The following DCN variants were observed in gnomAD, a reference collection of about 807,000 sequenced individuals.
DCN encodes the protein bone proteoglycan II.
DCN carries 17 observed loss-of-function variants against 36.5 expected under a neutral mutation model. That is an observed-to-expected ratio of 0.47 (90% CI 0.32 to 0.70). The LOEUF (loss-of-function observed/expected upper bound fraction) is 0.70, where lower values mean the gene tolerates loss of function less well. Ranked by LOEUF, DCN falls within the 30% of genes least tolerant of loss-of-function variation. DCN has a pLI of 0.04. For missense variants in DCN, 389 were observed against 430.1 expected, an observed-to-expected ratio of 0.90 and a Z score of 0.84; for synonymous variants, 163 against 161.4, an observed-to-expected ratio of 1.01 and a Z score of -0.07.
At chr12:91,153,309 C>A in intron 5 of DCN, 120 bp from the exon 6 acceptor site, 1 of 709,028 alleles carries the variant, frequency 1.4e-6, no homozygotes, top group Non-Finnish European at 2.6e-6. Flanking sequence ...TTCAAAGAAT[C>A]AGCTTTACTT....
At chr12:91,182,468 C>T (rs909728876) in intron 1 of DCN, 187 bp downstream of exon 1, 15 of 152,098 alleles carry the variant, frequency 9.9e-5, no homozygotes, top group Non-Finnish European at 2.1e-4. Flanking sequence ...TGCATTCAAT[C>T]ATTTTATCAA....
intron 6 of DCN, 63 bp downstream of exon 6, chr12:91,153,033 T>C (rs1881534317): frequency 1.2e-6 from 1 of 865,596 alleles, no homozygotes; most frequent in Non-Finnish European, 2.0e-6. Flanking sequence ...ATAATTCTTA[T>C]CATATAAGCA....
intron 2 of DCN, among the ~76,000 whole-genome samples, chr12:91,166,851 A>G (rs1214992517): frequency 6.6e-6 from 1 of 152,180 alleles, no homozygotes; most frequent in East Asian, 1.9e-4. Flanking sequence ...AATGATTAAA[A>G]TTATAGTTCT....
chr12:91,144,658 A>G lies in DCN; in HGVS notation c.*1400T>C, dbSNP rs1044813477. On this transcript the variant is annotated 3_prime_UTR_variant, in exon 8 of 8. Transcript: ENST00000052754. The stretch of plus-strand genomic sequence containing the variant: ...GTTTGATTAAGCCTCCTTTATGCCA[A>G]CCTGTCAGAGGTGTGTCCCAGCATA... 1 of 152,190 alleles carries G rather than the reference A, an allele frequency of 6.6e-6. No individual in the cohort carries two copies. The highest frequency in any genetic ancestry group is 1.5e-5 in the Non-Finnish European group (1 of 68,024). 9.4% of individuals were successfully genotyped at this position (152,190 alleles called of 1,614,324 possible). A position where few individuals can be genotyped will look rare whatever the true frequency, so the allele number is the denominator to read the frequency against.
intron 2 of DCN, chr12:91,172,590 A>G: frequency 2.1e-6 from 1 of 473,970 alleles, no homozygotes; most frequent in South Asian, 2.7e-5. Flanking sequence ...AGGAATTTCT[A>G]AGCTTCCTGG....
intron 5 of DCN, among the ~76,000 whole-genome samples, chr12:91,155,669 ATATC>A (rs1881723762): frequency 6.6e-6 from 1 of 151,812 alleles, no homozygotes; most frequent in Non-Finnish European, 1.5e-5. Context: ...TCCCCAATTT[ATATC>A]TATCTGAGAT....
chr12:91,153,759 T>C (rs556779145), intron 5 of DCN, among the ~76,000 whole-genome samples: 1 of 152,160 alleles, frequency 6.6e-6, no homozygotes, highest in East Asian at 1.9e-4. Flanking sequence ...CTTATGCCTA[T>C]TAAATCCAGA....
intron 2 of DCN, among the ~76,000 whole-genome samples, chr12:91,171,757 C>T (rs565798612): frequency 9.2e-5 from 14 of 152,276 alleles, no homozygotes; most frequent in Non-Finnish European, 1.3e-4. Context: ...TTATAAATCC[C>T]GGGTAACATT....
At position 91,145,551 on chromosome 12, in the gene DCN, A is replaced by G. The variant is rs1880954757; in HGVS notation, c.*507T>C. 1 of 165,862 alleles carries G rather than the reference A, an allele frequency of 6.0e-6. No homozygotes were observed. Among genetic ancestry groups the G allele is most frequent in the Admixed American group, 6.0e-5 (1 of 16,744 alleles). The allele number at this position is 165,862 out of a possible 1,614,324, so 10.3% of individuals were successfully genotyped here. A position where few individuals can be genotyped will look rare whatever the true frequency, so the allele number is the denominator to read the frequency against. On this transcript the variant is annotated 3_prime_UTR_variant, in exon 8 of 8. Transcript: ENST00000052754. ...TAATTTTGAATGTATTTTTAAATTT[A>G]TTTTTTCAAAATAATGACATTAGTA...
intron 7 of DCN, among the ~76,000 whole-genome samples, chr12:91,147,272 C>A (rs941524200): frequency 4.6e-5 from 7 of 152,178 alleles, no homozygotes; most frequent in African/African-American, 1.7e-4. Flanking sequence ...GTTTACTCAA[C>A]CTGGAATAAT....
Position 91,167,397 on chromosome 12 carries a change from A to AT in DCN, c.212-2681dup, listed in dbSNP as rs1402299063. 2.7e-5 allele frequency among the ~76,000 whole-genome samples: 4 copies of AT among 149,916 alleles called. No homozygotes were observed. In the East Asian group the frequency reaches 5.9e-4, roughly 22 times the overall value. On this transcript the variant is annotated intron_variant, in intron 2 of 7. Coordinates refer to ENST00000052754, the MANE Select transcript of DCN (RefSeq NM_001920.5). Reference sequence around the variant, plus strand: ...GAGGTTTTTAGCAATCCATATCAAAATAAAAAAAAAACAATAAAAGCAGTG... The same window carrying AT: ...GAGGTTTTTAGCAATCCATATCAAAATTAAAAAAAAAACAATAAAAGCAGTG...
intron 1 of DCN, 122 bp downstream of exon 1, chr12:91,182,533 T>C (rs1251774356): frequency 6.6e-6 from 1 of 151,736 alleles, no homozygotes; most frequent in East Asian, 1.9e-4. Flanking sequence ...ATAAAAACTA[T>C]AAAAGTTTAA....
At chr12:91,174,204 G>T (rs557334178) in intron 2 of DCN, among the ~76,000 whole-genome samples, 6 of 152,090 alleles carry the variant, frequency 3.9e-5, no homozygotes, top group Non-Finnish European at 8.8e-5. Context: ...CAATTGCCTA[G>T]TAAATGCACA....
At chr12:91,149,134 C>T (rs949904021) in intron 7 of DCN, among the ~76,000 whole-genome samples, 1 of 150,040 alleles carries the variant, frequency 6.7e-6, no homozygotes, top group Non-Finnish European at 1.5e-5. Context: ...AGACAAAATT[C>T]ATCATAAGAA....
At chr12:91,162,554 A>G (rs1882229606) in intron 3 of DCN, among the ~76,000 whole-genome samples, 1 of 152,138 alleles carries the variant, frequency 6.6e-6, no homozygotes, top group South Asian at 2.1e-4. Context: ...ATTATTTTCT[A>G]TAATGACTAG....
Position 91,152,950 on chromosome 12 carries a change from T to C in DCN, c.746+146A>G, listed in dbSNP as rs116815395. 1.2e-3 allele frequency: 776 copies of C among 632,390 alleles called. 7 individuals are homozygous for C. In the African/African-American group the frequency reaches 0.013, roughly 11 times the overall value. 39.2% of individuals were successfully genotyped at this position (632,390 alleles called of 1,614,324 possible). A position where few individuals can be genotyped will look rare whatever the true frequency, so the allele number is the denominator to read the frequency against. ...CTTCTTCTCAAGAAATAATTGGATA[T>C]GCTGAAGTTTGAGATTATAGAAACA... On this transcript the variant is annotated intron_variant, in intron 6 of 7. Coordinates refer to ENST00000052754, the MANE Select transcript of DCN (RefSeq NM_001920.5).
At chr12:91,149,824 A>G (rs1271332924) in intron 7 of DCN, among the ~76,000 whole-genome samples, 4 of 152,226 alleles carry the variant, frequency 2.6e-5, no homozygotes, top group Admixed American at 2.6e-4. Context: ...TTAACAATTC[A>G]AAACAGCATC....
At position 91,140,602 on chromosome 12, in the gene DCN, CA is replaced by C. The variant is rs1565766287; in HGVS notation, c.*5455del. The C allele has an allele frequency of 6.6e-6, 1 of 152,130 alleles. No homozygotes were observed. The highest frequency in any genetic ancestry group is 1.5e-5 in the Non-Finnish European group (1 of 68,014). The allele number at this position is 152,130 out of a possible 1,614,324, so 9.4% of individuals were successfully genotyped here. A position where few individuals can be genotyped will look rare whatever the true frequency, so the allele number is the denominator to read the frequency against. On this transcript the variant is annotated 3_prime_UTR_variant, in exon 8 of 8. Transcript: ENST00000052754. Reference sequence around the variant, plus strand: ...GTACAGTATGATTGCTTAGTTTGGACAAAGTCAAGTCATTTCTGTGCTGATA... The same window carrying C: ...GTACAGTATGATTGCTTAGTTTGGACAAGTCAAGTCATTTCTGTGCTGATA...
chr12:91,178,143 A>G (rs1883407047), intron 2 of DCN, among the ~76,000 whole-genome samples, 199 bp downstream of exon 2: 1 of 152,144 alleles, frequency 6.6e-6, no homozygotes, highest in Non-Finnish European at 1.5e-5. Flanking sequence ...GAAGAGGGAC[A>G]GAGAGGGAGA....
Sources: allele counts gnomAD v4.1 joint callset (sites outside exome capture counted in the v4.1 genomes callset), GRCh38; gene constraint gnomAD v4.1.1; transcripts MANE v1.5; gene names NCBI Gene and HGNC (gene_info 2026-07-23, HGNC 2026-07-21).